The following TMEM135 variants were observed in gnomAD, a reference collection of about 807,000 sequenced individuals.
TMEM135 encodes peroxisomal membrane protein 52.
TMEM135 carries 30 observed loss-of-function variants against 60.3 expected under a neutral mutation model. The observed-to-expected ratio is 0.50, with a 90% CI of 0.37 to 0.68. The LOEUF (loss-of-function observed/expected upper bound fraction) is 0.68, where lower values mean the gene tolerates loss of function less well. Among genes scored for constraint, TMEM135 ranks in the 30% least tolerant of loss-of-function variants. The pLI, the probability that TMEM135 is intolerant of heterozygous loss-of-function variation, is 0.00. For synonymous variants in TMEM135, 190 were observed against 186.7 expected, an observed-to-expected ratio of 1.02 and a Z score of -0.14; for missense variants, 468 against 548.8, an observed-to-expected ratio of 0.85 and a Z score of 1.47.
intron 14 of TMEM135, among the ~76,000 whole-genome samples, chr11:87,319,740 C>T (rs1166514392): frequency 6.6e-6 from 1 of 152,120 alleles, no homozygotes; most frequent in Non-Finnish European, 1.5e-5. Context: ...TGGAAATAGT[C>T]ATATTGTGTT....
chr11:87,085,830 A>G (rs543191935), intron 3 of TMEM135, among the ~76,000 whole-genome samples: 4 of 152,310 alleles, frequency 2.6e-5, no homozygotes, highest in African/African-American at 9.6e-5. Flanking sequence ...CATTGGACAG[A>G]ACCTGAAACT....
At chr11:87,171,792 C>A (rs941709182) in intron 5 of TMEM135, among the ~76,000 whole-genome samples, 2 of 152,106 alleles carry the variant, frequency 1.3e-5, no homozygotes, top group African/African-American at 4.8e-5. Flanking sequence ...CCACGGGGGG[C>A]TTGGTTTTGG....
intron 5 of TMEM135, among the ~76,000 whole-genome samples, chr11:87,182,408 C>A (rs1287640943): frequency 6.6e-6 from 1 of 151,874 alleles, no homozygotes; most frequent in African/African-American, 2.4e-5. Context: ...TTGTATATAC[C>A]TAGTTAGGAT....
chr11:87,112,520 G>A (rs2513229), intron 4 of TMEM135, among the ~76,000 whole-genome samples: 1 of 151,774 alleles, frequency 6.6e-6, no homozygotes, highest in Non-Finnish European at 1.5e-5. Context: ...AGCGAAGAAC[G>A]GTGTCTTTCC....
At position 87,294,558 on chromosome 11, in the gene TMEM135, T is replaced by G. The variant is rs953015976; in HGVS notation, c.510-1224T>G. Among the ~76,000 whole-genome samples the G allele has an allele frequency of 2.0e-5, 3 of 152,148 alleles. No individual in the cohort carries two copies. In the East Asian group the frequency reaches 5.8e-4, roughly 29 times the overall value. On this transcript the variant is annotated intron_variant, in intron 6 of 14. Coordinates refer to ENST00000305494, the MANE Select transcript of TMEM135 (RefSeq NM_022918.4). ...GCCACCACGCCCGGCTAATTTTGTATTTTTAGTGGAGACGGGGTTTCTCCA... is the reference window on the plus strand; with the variant it reads ...GCCACCACGCCCGGCTAATTTTGTAGTTTTAGTGGAGACGGGGTTTCTCCA...
At chr11:87,068,325 A>T (rs1856706295) in intron 2 of TMEM135, among the ~76,000 whole-genome samples, 1 of 152,226 alleles carries the variant, frequency 6.6e-6, no homozygotes, top group African/African-American at 2.4e-5. Flanking sequence ...TATACATTGT[A>T]GAGATGCAGA....
At chr11:87,146,695 C>T (rs1214545903) in intron 4 of TMEM135, among the ~76,000 whole-genome samples, 1 of 152,122 alleles carries the variant, frequency 6.6e-6, no homozygotes, top group Non-Finnish European at 1.5e-5. Flanking sequence ...CTAAACTAGA[C>T]CTTGGATTCA....
chr11:87,092,487 A>G (rs988807646), intron 4 of TMEM135, among the ~76,000 whole-genome samples: 13 of 152,214 alleles, frequency 8.5e-5, no homozygotes, highest in Non-Finnish European at 1.0e-4. Flanking sequence ...TGGACCACCA[A>G]TTAAGAAAGC....
Position 87,109,739 on chromosome 11 carries a change from A to G in TMEM135, c.396+18344A>G, listed in dbSNP as rs996799136. ...TGTTTGCAGCATCAAAAACCCTTCA[A>G]TCATCCTGGAGTTTTACGTGTTCCT... On this transcript the variant is annotated intron_variant, in intron 4 of 14. Transcript: ENST00000305494. Among the ~76,000 whole-genome samples the G allele has an allele frequency of 3.3e-5, 5 of 152,172 alleles. No homozygotes were observed. In the East Asian group the frequency reaches 5.8e-4, roughly 18 times the overall value.
rs1439872685 is a variant in TMEM135, at chr11:87,328,149, C to A, written c.*6816C>A. 8.8e-6 allele frequency: 4 copies of A among 453,930 alleles called. No individual in the cohort carries two copies. The highest frequency in any genetic ancestry group is 1.8e-5 in the Non-Finnish European group (4 of 226,790). The allele number at this position is 453,930 out of a possible 1,614,324, so 28.1% of individuals were successfully genotyped here. On this transcript the variant is annotated 3_prime_UTR_variant, in exon 15 of 15. Transcript: ENST00000305494. ...GAATTCTGTTACTTTCAGCTGAAAA[C>A]ATTTCTAATGGACATATTCCAATTC... is the stretch of plus-strand genomic sequence containing the variant.
intron 6 of TMEM135, among the ~76,000 whole-genome samples, chr11:87,263,674 A>C (rs1014045294): frequency 1.3e-5 from 2 of 152,126 alleles, no homozygotes; most frequent in African/African-American, 2.4e-5. Flanking sequence ...GTTTCACAGA[A>C]TCATAGGGTT....
At chr11:87,316,706 T>C (rs1400717489) in intron 12 of TMEM135, among the ~76,000 whole-genome samples, 2 of 151,938 alleles carry the variant, frequency 1.3e-5, no homozygotes, top group Admixed American at 6.6e-5. Context: ...GGCAAAAATA[T>C]ATTCTTTAAC....
rs914044737 is a variant in TMEM135 at position 87,296,117 on chromosome 11, C to G, written c.551+294C>G. On this transcript the variant is annotated intron_variant, in intron 7 of 14. Transcript: ENST00000305494. ...CAGGGAGCTTGGAAAGACAGAGCTG[C>G]TCATGAACAATTACTGAAAAGTTAA... Among the ~76,000 whole-genome samples the G allele has an allele frequency of 2.0e-5, 3 of 152,070 alleles. No individual in the cohort carries two copies. The South Asian group carries it at 6.2e-4, about 32-fold the overall frequency.
rs200116730 is a variant in TMEM135 at position 87,066,781 on chromosome 11, TTC to T, written c.142-911_142-910del. On this transcript the variant is annotated intron_variant, in intron 1 of 14. Transcript: ENST00000305494. ...CATACTTGTGTTGTTACTAGATTCT[TTC>T]TTTTTTTTTTTTTTTTGAGACAGAG... 1.9e-4 allele frequency among the ~76,000 whole-genome samples: 27 copies of T among 139,668 alleles called. 2 individuals carry two copies. Among genetic ancestry groups the T allele is most frequent in the Admixed American group, 2.9e-4 (4 of 14,030 alleles). 91.6% of individuals were successfully genotyped at this position (139,668 alleles called of 152,430 possible).
chr11:87,123,254 G>T (rs556355735), intron 4 of TMEM135, among the ~76,000 whole-genome samples: 13 of 137,564 alleles, frequency 9.5e-5, no homozygotes, highest in Non-Finnish European at 1.7e-4. Context: ...AAAGCAAGGT[G>T]TTGGCAGAGC....
At chr11:87,141,995 G>A (rs1270710011) in intron 4 of TMEM135, among the ~76,000 whole-genome samples, 3 of 152,160 alleles carry the variant, frequency 2.0e-5, no homozygotes, top group Non-Finnish European at 4.4e-5. Flanking sequence ...GCAGGTAAAA[G>A]CTAGGGGAGG....
intron 4 of TMEM135, among the ~76,000 whole-genome samples, chr11:87,094,415 G>T (rs1304659123): frequency 6.6e-6 from 1 of 152,134 alleles, no homozygotes; most frequent in East Asian, 1.9e-4. Context: ...CAGTAATTTA[G>T]AGGTCTTGGA....
intron 5 of TMEM135, among the ~76,000 whole-genome samples, chr11:87,176,480 A>AAG (rs1442367228): frequency 5.9e-5 from 9 of 152,178 alleles, no homozygotes; most frequent in African/African-American, 2.2e-4. Context: ...CAAATGGACT[A>AAG]AGATAGTGAG....
intron 6 of TMEM135, among the ~76,000 whole-genome samples, chr11:87,274,144 C>T (rs1205041510): frequency 6.6e-6 from 1 of 152,110 alleles, no homozygotes; most frequent in Non-Finnish European, 1.5e-5. Flanking sequence ...GCCATTCCTT[C>T]CTAATCTAGG....
Sources: gnomAD v4.1 joint callset for allele counts (sites outside exome capture counted in the v4.1 genomes callset) on GRCh38, gnomAD v4.1.1 for gene constraint, MANE v1.5 for transcripts, NCBI Gene and HGNC (gene_info 2026-07-23, HGNC 2026-07-21) for gene names.